KAZN: variants seen among roughly 807,000 people sequenced by gnomAD.
The protein encoded by KAZN is kazrin.
Under a neutral mutation model 87.4 loss-of-function variants are expected in KAZN, and 40 were observed. The ratio of observed to expected loss-of-function variants is 0.46; its 90% CI spans 0.36 to 0.60. The LOEUF (loss-of-function observed/expected upper bound fraction) is 0.60, where lower values mean the gene tolerates loss of function less well. Among genes scored for constraint, KAZN ranks in the 20% least tolerant of loss-of-function variants. The probability of loss-of-function intolerance (pLI) is 0.00; values close to 1 mark genes in which losing one functional copy is unlikely to be tolerated. For missense variants in KAZN, 898 were observed against 1,073.9 expected (o/e 0.84, Z 2.29); for synonymous variants, 466 against 458.3 (o/e 1.02, Z -0.22).
At chr1:14,524,123 G>A (rs564505159) in intron 2 of KAZN, among the ~76,000 whole-genome samples, 1 of 152,194 alleles carries the variant, frequency 6.6e-6, no homozygotes, top group East Asian at 1.9e-4. Flanking sequence ...CCAGATTCAA[G>A]CGATTCTCCT....
At chr1:14,802,273 T>G (rs1646058250) in intron 1 of KAZN, among the ~76,000 whole-genome samples, 1 of 151,892 alleles carries the variant, frequency 6.6e-6, no homozygotes, top group Non-Finnish European at 1.5e-5. Flanking sequence ...GTGTGGTGGT[T>G]TGTGCCTGTA....
chr1:14,593,135 C>A (rs535974003), intron 2 of KAZN, among the ~76,000 whole-genome samples: 1 of 152,170 alleles, frequency 6.6e-6, no homozygotes, highest in African/African-American at 2.4e-5. Context: ...CTCTACCCAA[C>A]GGAGTTGTCG....
intron 3 of KAZN, 54 bp downstream of exon 3, chr1:15,034,939 C>T (rs1478301082): frequency 6.2e-7 from 1 of 1,601,266 alleles, no homozygotes; most frequent in African/African-American, 1.3e-5. Flanking sequence ...CTCCCACCTC[C>T]CCTGCTGGCT....
chr1:14,368,077 G>T (rs1211452142), intron 2 of KAZN, among the ~76,000 whole-genome samples: 1 of 152,180 alleles, frequency 6.6e-6, no homozygotes, highest in African/African-American at 2.4e-5. Flanking sequence ...CAGGTCTACT[G>T]TGAAGATCTG....
chr1:14,730,200 C>A (rs536592857), intron 1 of KAZN, among the ~76,000 whole-genome samples: 1 of 152,164 alleles, frequency 6.6e-6, no homozygotes, highest in Non-Finnish European at 1.5e-5. Flanking sequence ...TCTCCCGCCT[C>A]AGCCTCCTGA....
chr1:13,893,517 CTA>C, exon 1 of KAZN: 1 of 1,326,336 alleles, frequency 7.5e-7, no homozygotes, highest in Non-Finnish European at 1.0e-6. Flanking sequence ...GGAAGAAACA[CTA>C]TAAACTTTGG....
At chr1:14,550,403 C>CAG (rs1311678677) in intron 2 of KAZN, among the ~76,000 whole-genome samples, 2 of 152,126 alleles carry the variant, frequency 1.3e-5, no homozygotes, top group Non-Finnish European at 2.9e-5. Flanking sequence ...GGCAGCCAGG[C>CAG]AGAGATCTGG....
chr1:14,685,844 T>C (rs1640920503), intron 1 of KAZN, among the ~76,000 whole-genome samples: 1 of 152,174 alleles, frequency 6.6e-6, no homozygotes, highest in Non-Finnish European at 1.5e-5. Flanking sequence ...GATGATAAAT[T>C]ACAGCTATGG....
intron 2 of KAZN, among the ~76,000 whole-genome samples, chr1:14,465,270 G>A (rs1668059939): frequency 6.6e-6 from 1 of 151,832 alleles, no homozygotes; most frequent in Non-Finnish European, 1.5e-5. Context: ...ATGGTGGAGG[G>A]CGCCTGTAGT....
intron 2 of KAZN, among the ~76,000 whole-genome samples, chr1:14,967,264 G>A (rs1032056421): frequency 5.3e-5 from 8 of 152,092 alleles, no homozygotes; most frequent in Non-Finnish European, 5.9e-5. Context: ...TTACATCTGT[G>A]TGGCTCCTGG....
At chr1:14,166,887 C>G (rs947637607) in intron 1 of KAZN, among the ~76,000 whole-genome samples, 1 of 152,174 alleles carries the variant, frequency 6.6e-6, no homozygotes, top group South Asian at 2.1e-4. Flanking sequence ...TCATTCTCCT[C>G]CAGGTACAAT....
intron 1 of KAZN, among the ~76,000 whole-genome samples, chr1:13,969,622 G>T (rs1021619990): frequency 6.6e-6 from 1 of 152,076 alleles, no homozygotes; most frequent in African/African-American, 2.4e-5. Context: ...CTCCTACCTT[G>T]CATTTCTTGC....
intron 1 of KAZN, among the ~76,000 whole-genome samples, chr1:14,697,158 G>A (rs56919045): frequency 0.49 from 66,127 of 133,834 alleles, 15,575 homozygotes; most frequent in South Asian, 0.59. Flanking sequence ...AAAAAAAAAA[G>A]AAAAGAAAAG....
At chr1:14,808,136 C>A (rs188681572) in intron 1 of KAZN, among the ~76,000 whole-genome samples, 1 of 152,176 alleles carries the variant, frequency 6.6e-6, no homozygotes, top group African/African-American at 2.4e-5. Flanking sequence ...ATACTGTGAG[C>A]CTGTGAATAG....
chr1:14,512,389 G>A (rs749307895), intron 2 of KAZN, among the ~76,000 whole-genome samples: 34 of 152,148 alleles, frequency 2.2e-4, no homozygotes, highest in Non-Finnish European at 3.5e-4. Context: ...TCTACCCACG[G>A]GATGCCAGCA....
chr1:14,088,382 C>A (rs767091257), intron 1 of KAZN, among the ~76,000 whole-genome samples: 4 of 151,788 alleles, frequency 2.6e-5, no homozygotes, highest in Non-Finnish European at 5.9e-5. Flanking sequence ...ATTATTTCTT[C>A]TTTGACCCAT....
rs757430431 is a variant in KAZN, at chr1:14,598,983, G to A, written c.-15G>A. ...TCTTTGTCACCTCTCTCGCCCCCAG[G>A]CCAAAATCCTGAGCATGATGGAAGA... is the stretch of plus-strand genomic sequence containing the variant. On this transcript the variant is annotated 5_prime_UTR_variant, in exon 1 of 15. Transcript: ENST00000376030. This position sits in a 1 kb window ranked among gnomAD's most constrained non-coding sequence, Gnocchi z 4.2. 67 of 1,567,020 alleles carry A rather than the reference G, an allele frequency of 4.3e-5. No individual in the cohort carries two copies. In the Middle Eastern group the frequency reaches 6.7e-4, roughly 16 times the overall value.
intron 2 of KAZN, among the ~76,000 whole-genome samples, chr1:14,359,245 G>C (rs551789899): frequency 4.6e-5 from 7 of 152,032 alleles, no homozygotes; most frequent in Admixed American, 3.9e-4. Flanking sequence ...TACAAGCCCT[G>C]CTTTTTTTTT....
chr1:14,166,270 G>T (rs1401191654), intron 1 of KAZN, among the ~76,000 whole-genome samples: 2 of 152,196 alleles, frequency 1.3e-5, no homozygotes, highest in African/African-American at 4.8e-5. Flanking sequence ...AGCTGAGATT[G>T]TGCCACTGCA....
Sources: gnomAD v4.1 joint callset for allele counts (sites outside exome capture counted in the v4.1 genomes callset) on GRCh38, gnomAD v4.1.1 for gene constraint, Gnocchi (gnomAD v3.1) non-coding constraint, MANE v1.5 for transcripts, NCBI Gene and HGNC (gene_info 2026-07-23, HGNC 2026-07-21) for gene names.